The following C14orf93 variants were observed in gnomAD, a reference collection of about 807,000 sequenced individuals.
The protein encoded by C14orf93 is chromosome 14 open reading frame 93.
A neutral mutation model predicts 44.0 loss-of-function variants in C14orf93; 23 were observed. That is an observed-to-expected ratio of 0.52 (90% CI 0.38 to 0.74). C14orf93 has a LOEUF of 0.74. C14orf93 is among the 30% of genes least tolerant of loss of function. The probability of loss-of-function intolerance (pLI) is 0.00; values close to 1 mark genes in which losing one functional copy is unlikely to be tolerated. For missense variants in C14orf93, 579 were observed against 678.9 expected (o/e 0.85, Z 1.64); for synonymous variants, 253 against 265.7 (o/e 0.95, Z 0.46).
chr14:23,009,566 G>A (rs2139869220), intron 1 of C14orf93, among the ~76,000 whole-genome samples: 1 of 152,264 alleles, frequency 6.6e-6, no homozygotes, highest in South Asian at 2.1e-4. Context: ...CTTCCCTAGG[G>A]AAATGAATGT....
intron 1 of C14orf93, among the ~76,000 whole-genome samples, chr14:23,007,556 C>A (rs975457060): frequency 1.3e-5 from 2 of 152,100 alleles, no homozygotes; most frequent in African/African-American, 2.4e-5. Flanking sequence ...TACTAGGGGC[C>A]CCGAGGATTC....
chr14:23,008,728 C>A (rs1475852612), intron 1 of C14orf93, among the ~76,000 whole-genome samples: 2 of 152,184 alleles, frequency 1.3e-5, no homozygotes, highest in Admixed American at 6.6e-5. Flanking sequence ...GCTCTGCGAG[C>A]CTGTTTTTCT....
intron 1 of C14orf93, chr14:23,006,091 C>G (rs1336868132): frequency 1.3e-5 from 2 of 152,196 alleles, no homozygotes; most frequent in Non-Finnish European, 2.9e-5. Context: ...TAGCAATAGA[C>G]TTCCTTAAAT....
chr14:23,003,168 T>C lies in C14orf93; in HGVS notation c.-379-3766A>G, dbSNP rs147085741. ...TTTTCTACTTTGTATGTTACCATAC[T>C]ATGTCCATTTTAAAACATCACATTC... On this transcript the variant is annotated intron_variant, in intron 1 of 6. Transcript: ENST00000299088. Among the ~76,000 whole-genome samples, 67 of 152,366 alleles carry C rather than the reference T, an allele frequency of 4.4e-4. 1 individual carries two copies. In the East Asian group the frequency reaches 0.011, roughly 24 times the overall value.
chr14:22,989,935 A>C, intron 4 of C14orf93, 90 bp from the exon 5 acceptor site: 1 of 1,451,252 alleles, frequency 6.9e-7, no homozygotes, highest in Non-Finnish European at 9.7e-7. Context: ...CTTTGTGGCA[A>C]ATCCCTCCAC....
At position 22,996,814 on chromosome 14, in the gene C14orf93, A is replaced by G. The variant is rs1295923745; in HGVS notation, c.598-546T>C. On this transcript the variant is annotated intron_variant, in intron 2 of 6. Transcript: ENST00000299088. This position sits in a 1 kb window ranked among gnomAD's most constrained non-coding sequence, Gnocchi z 4.1. ...CTCACCTTGATCCTGCCCCGGCCAC[A>G]TTCGACTGTCATAGCCCCTGACATC... Among the ~76,000 whole-genome samples the G allele has an allele frequency of 6.6e-6, 1 of 152,142 alleles. No individual in the cohort carries two copies. The highest frequency in any genetic ancestry group is 1.5e-5 in the Non-Finnish European group (1 of 68,020).
Position 22,995,998 on chromosome 14 carries a change from T to C in C14orf93, c.868A>G (p.Arg290Gly). The change falls in exon 3 of 7, where the codon AGA becomes GGA. Residue 290 changes from arginine (R) to glycine (G), a missense_variant. By Grantham distance (125) the Arg-to-Gly change is moderately radical. Transcript: ENST00000299088. ...CTGGAGTTCTTCTGCCCACTTCCTC[T>C]GGTCCTGCATGGGGAAACGGTCAGC... ...LGLTVSPCRT[R>G]GSGQKNSRRK... The C allele has an allele frequency of 6.2e-7, 1 of 1,611,678 alleles. No individual in the cohort carries two copies. Among genetic ancestry groups the C allele is most frequent in the Non-Finnish European group, 8.5e-7 (1 of 1,178,352 alleles).
At position 22,998,704 on chromosome 14, in the gene C14orf93, A is replaced by C; in HGVS notation, c.320T>G (p.Ile107Ser). 6.2e-7 allele frequency: 1 copy of C among 1,614,194 alleles called. No homozygotes were observed. The highest frequency in any genetic ancestry group is 8.5e-7 in the Non-Finnish European group (1 of 1,180,022). Residue 107 changes from isoleucine (I) to serine (S), a missense_variant, in exon 2 of 7, where the codon ATC (isoleucine) becomes AGC (serine). Transcript: ENST00000299088. Reference protein sequence around the residue: ...VGDLRQGKVSIPDEDGESRAH... With the variant: ...VGDLRQGKVSSPDEDGESRAH... ...CCGGCTTTCCCCATCTTCATCAGGG[A>C]TGGACACTTTCCCTTGCCTCAGGTC...
Position 22,989,760 on chromosome 14 carries a change from T to C in C14orf93, c.1066A>G (p.Thr356Ala). 6.2e-7 allele frequency: 1 copy of C among 1,613,322 alleles called. No homozygotes were observed. Among genetic ancestry groups the C allele is most frequent in the African/African-American group, 1.3e-5 (1 of 75,022 alleles). Reference protein sequence around the residue: ...QELVTSPHNYTDKELKGACVA... With the variant: ...QELVTSPHNYADKELKGACVA... ...TTCTCACCTTTTAGCTCCTTATCAGTGTAATTGTGGGGACTGGTCACCAGC... is the reference window on the plus strand; with the variant it reads ...TTCTCACCTTTTAGCTCCTTATCAGCGTAATTGTGGGGACTGGTCACCAGC... The change falls in exon 5 of 7, where the codon ACT becomes GCT. Residue 356 changes from threonine (T) to alanine (A), a missense_variant. Thr to Ala is a moderately conservative substitution (Grantham distance 58). Transcript: ENST00000299088.
intron 1 of C14orf93, chr14:23,006,242 G>A (rs895235344): frequency 1.3e-5 from 2 of 152,090 alleles, no homozygotes; most frequent in Admixed American, 1.3e-4. Context: ...CCTGTCAAAA[G>A]GTTCTCTCAA....
At position 22,996,989 on chromosome 14, in the gene C14orf93, A is replaced by G. The variant is rs1386596696; in HGVS notation, c.598-721T>C. Among the ~76,000 whole-genome samples, 1 of 52,308 alleles carries G rather than the reference A, an allele frequency of 1.9e-5. No homozygotes were observed. The highest frequency in any genetic ancestry group is 4.2e-5 in the Non-Finnish European group (1 of 23,760). 34.3% of individuals were successfully genotyped at this position (52,308 alleles called of 152,430 possible). A position where few individuals can be genotyped will look rare whatever the true frequency, so the allele number is the denominator to read the frequency against. ...TGGGGACACACACGCACACGCACAC[A>G]CACACACACACACACACACACAGAA... On this transcript the variant is annotated intron_variant, in intron 2 of 6. Coordinates refer to ENST00000299088, the MANE Select transcript of C14orf93 (RefSeq NM_021944.4). This position sits in a 1 kb window ranked among gnomAD's most constrained non-coding sequence, Gnocchi z 4.1.
intron 1 of C14orf93, among the ~76,000 whole-genome samples, chr14:23,003,887 TA>T (rs1566697061): frequency 4.2e-3 from 74 of 17,484 alleles, no homozygotes; most frequent in East Asian, 9.1e-3. Context: ...TATATATATA[TA>T]TATATATATA....
At chr14:22,988,843 G>A (rs893138541) in intron 5 of C14orf93, among the ~76,000 whole-genome samples, 4 of 152,074 alleles carry the variant, frequency 2.6e-5, no homozygotes, top group Non-Finnish European at 4.4e-5. Context: ...CATTCTGGGA[G>A]GCCTCCTGCT....
In C14orf93 at chr14:22,996,376, A is replaced by T. The variant is rs2045976058; in HGVS notation, c.598-108T>A. 2.7e-6 allele frequency: 3 copies of T among 1,097,538 alleles called. No homozygotes were observed. Among genetic ancestry groups the T allele is most frequent in the Non-Finnish European group, 1.3e-6 (1 of 787,984 alleles). The allele number at this position is 1,097,538 out of a possible 1,614,324, so 68.0% of individuals were successfully genotyped here. A position where few individuals can be genotyped will look rare whatever the true frequency, so the allele number is the denominator to read the frequency against. The stretch of plus-strand genomic sequence containing the variant: ...TGAACAGAAAGTGGAAAGAAGGGGA[A>T]CTCTAGCACAGTCTTTAATGGTCAA... On this transcript the variant is annotated intron_variant, in intron 2 of 6. Transcript: ENST00000299088. This position sits in a 1 kb window ranked among gnomAD's most constrained non-coding sequence, Gnocchi z 4.1.
intron 1 of C14orf93, chr14:23,001,171 TC>T (rs1175800671): frequency 6.9e-6 from 1 of 145,612 alleles, no homozygotes; most frequent in Non-Finnish European, 1.5e-5. Context: ...CAGAGCTTTT[TC>T]TTTTTAATTC....
intron 5 of C14orf93, among the ~76,000 whole-genome samples, chr14:22,988,521 G>A (rs1265026674): frequency 6.6e-6 from 1 of 152,066 alleles, no homozygotes; most frequent in Non-Finnish European, 1.5e-5. Context: ...TTTGTTATGA[G>A]ACAGGGTCTC....
intron 1 of C14orf93, among the ~76,000 whole-genome samples, chr14:23,007,910 TGA>T (rs1001974435): frequency 1.3e-5 from 2 of 151,956 alleles, no homozygotes; most frequent in African/African-American, 4.8e-5. Context: ...CCCAGCACTT[TGA>T]GAGGCAGAGG....
Position 22,996,297 on chromosome 14 carries a change from A to G in C14orf93, c.598-29T>C. On this transcript the variant is annotated intron_variant, in intron 2 of 6. Coordinates refer to ENST00000299088, the MANE Select transcript of C14orf93 (RefSeq NM_021944.4). The surrounding 1 kb of genome is among the most constrained non-coding windows in gnomAD (Gnocchi z 4.1). Reference sequence around the variant, plus strand: ...AGAACATAAAAAATAATAGCCTATTAGCCAGCCAGGCTTAGGGGAACCTGG... The same window carrying G: ...AGAACATAAAAAATAATAGCCTATTGGCCAGCCAGGCTTAGGGGAACCTGG... 1.3e-6 allele frequency: 2 copies of G among 1,519,702 alleles called. No individual in the cohort carries two copies. Among genetic ancestry groups the G allele is most frequent in the African/African-American group, 2.8e-5 (2 of 72,158 alleles). The allele number at this position is 1,519,702 out of a possible 1,614,324, so 94.1% of individuals were successfully genotyped here.
chr14:23,003,224 AT>A (rs757155645), intron 1 of C14orf93, among the ~76,000 whole-genome samples: 39 of 152,188 alleles, frequency 2.6e-4, no homozygotes, highest in Non-Finnish European at 4.3e-4. Context: ...TCCTGAATTA[AT>A]TTGCCTATAA....
Sources: gnomAD v4.1 joint callset for allele counts (sites outside exome capture counted in the v4.1 genomes callset) on GRCh38, gnomAD v4.1.1 for gene constraint, Gnocchi (gnomAD v3.1) non-coding constraint, MANE v1.5 for transcripts, NCBI Gene and HGNC (gene_info 2026-07-23, HGNC 2026-07-21) for gene names.